Variants in ERCC8 observed in about 807,000 individuals in gnomAD.
ERCC8 encodes the protein ERCC excision repair 8, CSA ubiquitin ligase complex subunit.
A neutral mutation model predicts 54.9 loss-of-function variants in ERCC8; 52 were observed. The ratio of observed to expected loss-of-function variants is 0.95; its 90% CI spans 0.76 to 1.19. The LOEUF is 1.19. Ranked by LOEUF, ERCC8 falls within the 50% of genes most tolerant of loss-of-function variation. The pLI, the probability that ERCC8 is intolerant of heterozygous loss-of-function variation, is 0.00. For synonymous variants in ERCC8, 146 were observed against 157.2 expected, an observed-to-expected ratio of 0.93 and a Z score of 0.53; for missense variants, 514 against 466.1, an observed-to-expected ratio of 1.10 and a Z score of -0.95.
chr5:60,922,207 CATTT>C lies in ERCC8; in HGVS notation c.174-56_174-53del, dbSNP rs755864063. On this transcript the variant is annotated intron_variant, in intron 2 of 11. Transcript: ENST00000676185. ...TTATCATTTTATTTATTATTTAGTC[CATTT>C]ATTTATGATTGCAAATTTCTAAAAA... 7.3e-6 allele frequency: 9 copies of C among 1,227,364 alleles called. No homozygotes were observed. In the East Asian group the frequency reaches 2.2e-4, roughly 31 times the overall value. 76.0% of individuals were successfully genotyped at this position (1,227,364 alleles called of 1,614,324 possible).
At chr5:60,932,962 A>T (rs1351219586) in intron 1 of ERCC8, among the ~76,000 whole-genome samples, 4 of 152,138 alleles carry the variant, frequency 2.6e-5, no homozygotes, top group Non-Finnish European at 5.9e-5. Context: ...TCACCTTTCC[A>T]ATCTCTTTTT....
At chr5:60,877,716 GA>G (rs1748058814) in intron 11 of ERCC8, among the ~76,000 whole-genome samples, 1 of 152,136 alleles carries the variant, frequency 6.6e-6, no homozygotes, top group Non-Finnish European at 1.5e-5. Flanking sequence ...TTTGCACATT[GA>G]TTTTGTATCC....
intron 11 of ERCC8, among the ~76,000 whole-genome samples, chr5:60,875,164 T>A (rs965230531): frequency 3.3e-5 from 5 of 152,164 alleles, no homozygotes; most frequent in Non-Finnish European, 5.9e-5. Context: ...ATATGGAGAA[T>A]AAGGTATTCA....
chr5:60,935,054 T>C (rs1417955320), intron 1 of ERCC8, among the ~76,000 whole-genome samples: 4 of 152,232 alleles, frequency 2.6e-5, no homozygotes, highest in African/African-American at 9.6e-5. Flanking sequence ...GCAGGCTCTT[T>C]TTTCCTAGTT....
intron 6 of ERCC8, among the ~76,000 whole-genome samples, chr5:60,902,786 T>A (rs896258613): frequency 5.9e-5 from 9 of 152,056 alleles, no homozygotes; most frequent in Admixed American, 5.2e-4. Context: ...TGTTAGCTTA[T>A]GTCAGTAAAT....
At chr5:60,935,608 T>C (rs1449850285) in intron 1 of ERCC8, among the ~76,000 whole-genome samples, 2 of 152,194 alleles carry the variant, frequency 1.3e-5, no homozygotes, top group Non-Finnish European at 2.9e-5. Context: ...CATCCTTGTC[T>C]TGTTTCAGTT....
At chr5:60,892,832 A>G (rs921745446) in intron 9 of ERCC8, 5 of 686,146 alleles carry the variant, frequency 7.3e-6, no homozygotes, top group Non-Finnish European at 1.3e-5. Context: ...TGGCTCCCAC[A>G]CTGCATGCAT....
Position 60,931,111 on chromosome 5 carries a change from C to T in ERCC8, c.78-2152G>A, listed in dbSNP as rs529207242. ...AACCTGGGTGACAAAGCAAGCAAGA[C>T]TCCGTCTCAAAAAAAAAAAAAGCCT... is the stretch of plus-strand genomic sequence containing the variant. On this transcript the variant is annotated intron_variant, in intron 1 of 11. Coordinates refer to ENST00000676185, the MANE Select transcript of ERCC8 (RefSeq NM_000082.4). Among the ~76,000 whole-genome samples, 4 of 149,400 alleles carry T rather than the reference C, an allele frequency of 2.7e-5. No individual in the cohort carries two copies. The South Asian group carries it at 8.4e-4, about 31-fold the overall frequency.
chr5:60,929,355 G>A (rs1412990417), intron 1 of ERCC8, among the ~76,000 whole-genome samples: 1 of 152,086 alleles, frequency 6.6e-6, no homozygotes, highest in Admixed American at 6.6e-5. Flanking sequence ...TAGCGCTTTG[G>A]GAGGCTGAGG....
intron 1 of ERCC8, among the ~76,000 whole-genome samples, chr5:60,934,137 T>C (rs544588240): frequency 1.3e-5 from 2 of 152,328 alleles, no homozygotes; most frequent in South Asian, 4.1e-4. Flanking sequence ...TAGTACTACT[T>C]TTAGTTCTTT....
chr5:60,879,103 T>C (rs1182690342), intron 11 of ERCC8, among the ~76,000 whole-genome samples: 1 of 152,368 alleles, frequency 6.6e-6, no homozygotes, highest in Admixed American at 6.5e-5. Context: ...AACATCTTTA[T>C]TTCTGCCTTC....
At chr5:60,923,247 A>G (rs551932620) in intron 2 of ERCC8, among the ~76,000 whole-genome samples, 1 of 152,284 alleles carries the variant, frequency 6.6e-6, no homozygotes, top group Non-Finnish European at 1.5e-5. Flanking sequence ...ATATTTCTAA[A>G]AAGTAAAAGT....
intron 7 of ERCC8, among the ~76,000 whole-genome samples, chr5:60,901,638 C>A (rs997188093): frequency 6.6e-5 from 10 of 151,962 alleles, no homozygotes; most frequent in Admixed American, 5.9e-4. Flanking sequence ...TTTCCTCTTT[C>A]CATTTAGTCT....
At position 60,874,682 on chromosome 5, in the gene ERCC8, G is replaced by C. The variant is rs1281676049; in HGVS notation, c.1124C>G (p.Thr375Ser). The change falls in exon 12 of 12, where the codon ACT becomes AGT. Residue 375 changes from threonine (T) to serine (S), a missense_variant and splice_region_variant. Transcript: ENST00000676185. Reference sequence around the variant, plus strand: ...CGGATTTAATTGTGATTTTGTTGTAGTCTAAAAAAAAAAAAGATAAAGAAA... The same window carrying C: ...CGGATTTAATTGTGATTTTGTTGTACTCTAAAAAAAAAAAAGATAAAGAAA... ...LYEPVPDDDE[T>S]TTKSQLNPAF... 1 of 1,592,112 alleles carries C rather than the reference G, an allele frequency of 6.3e-7. No individual in the cohort carries two copies. The highest frequency in any genetic ancestry group is 8.5e-7 in the Non-Finnish European group (1 of 1,171,698).
intron 2 of ERCC8, among the ~76,000 whole-genome samples, chr5:60,926,295 T>C (rs952750022): frequency 7.2e-5 from 11 of 152,196 alleles, no homozygotes; most frequent in African/African-American, 2.7e-4. Flanking sequence ...CACACGTCTT[T>C]CTTCACTGAG....
intron 11 of ERCC8, among the ~76,000 whole-genome samples, chr5:60,880,337 ATG>A (rs1340680999): frequency 2.0e-5 from 3 of 152,062 alleles, no homozygotes; most frequent in Non-Finnish European, 4.4e-5. Flanking sequence ...TCTGACAATT[ATG>A]TGTCTTGGAG....
At chr5:60,894,740 A>G (rs1029474345) in intron 9 of ERCC8, among the ~76,000 whole-genome samples, 3 of 152,154 alleles carry the variant, frequency 2.0e-5, no homozygotes, top group African/African-American at 7.2e-5. Context: ...TTTGGGCTAA[A>G]TAAGTTGATG....
At position 60,921,824 on chromosome 5, in the gene ERCC8, A is replaced by C. The variant is rs976080; in HGVS notation, c.275+230T>G. Among the ~76,000 whole-genome samples the C allele has an allele frequency of 0.87, 131,983 of 151,764 alleles. 57,728 individuals are homozygous for C. The highest frequency in any genetic ancestry group is 0.95 in the East Asian group (4,904 of 5,180). The stretch of plus-strand genomic sequence containing the variant: ...ATCACAAGTTTTTTAAAAATAAAAT[A>C]CTAATGAAAATTGATACTGAAGTTG... On this transcript the variant is annotated intron_variant, in intron 3 of 11. Coordinates refer to ENST00000676185, the MANE Select transcript of ERCC8 (RefSeq NM_000082.4).
intron 4 of ERCC8, among the ~76,000 whole-genome samples, chr5:60,914,670 G>A (rs1749374351): frequency 6.6e-6 from 1 of 151,354 alleles, no homozygotes; most frequent in Non-Finnish European, 1.5e-5. Context: ...CACACCTGTA[G>A]CCTTCACTAC....
Sources: gnomAD v4.1 joint callset for allele counts (sites outside exome capture counted in the v4.1 genomes callset) on GRCh38, gnomAD v4.1.1 for gene constraint, MANE v1.5 for transcripts, NCBI Gene and HGNC (gene_info 2026-07-23, HGNC 2026-07-21) for gene names.